Variants in SYCP2 observed in about 807,000 individuals in gnomAD.
The protein encoded by SYCP2 is synaptonemal complex lateral element protein.
SYCP2 carries 55 observed loss-of-function variants against 211.3 expected under a neutral mutation model. The observed-to-expected ratio is 0.26, with a 90% CI of 0.21 to 0.33. The LOEUF (loss-of-function observed/expected upper bound fraction) is 0.33, where lower values mean the gene tolerates loss of function less well. Ranked by LOEUF, SYCP2 falls within the 10% of genes least tolerant of loss-of-function variation. SYCP2 has a pLI of 1.00. For synonymous variants in SYCP2, 570 were observed against 555.2 expected, an observed-to-expected ratio of 1.03 and a Z score of -0.37; for missense variants, 1,731 against 1,752.0, an observed-to-expected ratio of 0.99 and a Z score of 0.21.
chr20:59,913,591 G>A (rs1403385728), intron 12 of SYCP2, among the ~76,000 whole-genome samples: 1 of 152,062 alleles, frequency 6.6e-6, no homozygotes, highest in Non-Finnish European at 1.5e-5. Flanking sequence ...CCAGTATGTG[G>A]ATGAAGGAGA....
At chr20:59,918,473 T>A (rs149521143) in intron 7 of SYCP2, among the ~76,000 whole-genome samples, 4 of 152,296 alleles carry the variant, frequency 2.6e-5, no homozygotes, top group African/African-American at 9.6e-5. Context: ...TTGGGCTTTG[T>A]TGTAAGTACA....
At chr20:59,868,336 T>G (rs971315047) in intron 38 of SYCP2, 77 bp downstream of exon 38, 3 of 1,475,326 alleles carry the variant, frequency 2.0e-6, no homozygotes. Flanking sequence ...AAATTTGTTT[T>G]GTAAATAGAC....
At chr20:59,879,872 C>CAA (rs2145665392) in intron 31 of SYCP2, among the ~76,000 whole-genome samples, 1 of 144,132 alleles carries the variant, frequency 6.9e-6, no homozygotes, top group South Asian at 2.2e-4. Flanking sequence ...TACACACACA[C>CAA]ACACACAAAC....
At chr20:59,880,494 C>T (rs112829291) in intron 30 of SYCP2, 23 bp from the exon 31 acceptor site, 1 of 1,421,860 alleles carries the variant, frequency 7.0e-7, no homozygotes, top group East Asian at 2.4e-5. Flanking sequence ...GTTTGAAATG[C>T]ATGAAGAAAT....
intron 12 of SYCP2, 51 bp downstream of exon 12, chr20:59,913,924 T>G: frequency 7.1e-7 from 1 of 1,416,534 alleles, no homozygotes; most frequent in South Asian, 1.4e-5. Flanking sequence ...GTGCTCACTC[T>G]TGAGCTCTAT....
At chr20:59,927,822 T>G (rs1222517565) in intron 2 of SYCP2, among the ~76,000 whole-genome samples, 3 of 152,118 alleles carry the variant, frequency 2.0e-5, no homozygotes, top group African/African-American at 4.8e-5. Flanking sequence ...GGCTCACCCT[T>G]TTGTTTACAT....
At chr20:59,921,913 T>C (rs945482153) in intron 3 of SYCP2, among the ~76,000 whole-genome samples, 2 of 151,606 alleles carry the variant, frequency 1.3e-5, no homozygotes, top group African/African-American at 4.8e-5. Flanking sequence ...GCATTACCAT[T>C]ATATAATATT....
intron 4 of SYCP2, 145 bp downstream of exon 4, chr20:59,921,165 G>A (rs2145877812): frequency 3.5e-6 from 2 of 563,888 alleles, no homozygotes; most frequent in South Asian, 3.6e-5. Context: ...ACAATAATAA[G>A]CAAATGGTGA....
rs145124165 is a variant in SYCP2, at chr20:59,886,765, A to G, written c.2434T>C (p.Tyr812His). 6.3e-7 allele frequency: 1 copy of G among 1,591,014 alleles called. No homozygotes were observed. Among genetic ancestry groups the G allele is most frequent in the Non-Finnish European group, 8.5e-7 (1 of 1,171,296 alleles). Residue 812 changes from tyrosine to histidine, a missense_variant, in exon 25 of 45, where the codon TAC becomes CAC. By Grantham distance (83) the Tyr-to-His change is moderately conservative (BLOSUM62 2). Transcript: ENST00000357552. ...GACTTGATGTCATCTTTTGTTTTGT[A>G]TCTTTTATTGATTTGGCTTATCAAG... ...ESLISQINKR[Y>H]KTKDDIKSTR... is the part of the protein sequence containing the mutation.
chr20:59,878,091 T>G (rs2274468), intron 31 of SYCP2, 46 bp from the exon 32 acceptor site: 6 of 1,263,052 alleles, frequency 4.8e-6, no homozygotes, highest in Non-Finnish European at 6.8e-6. Flanking sequence ...TAAATAAGAA[T>G]AGGCATTAAA....
At chr20:59,909,515 T>C (rs1465756757) in intron 14 of SYCP2, among the ~76,000 whole-genome samples, 1 of 152,220 alleles carries the variant, frequency 6.6e-6, no homozygotes, top group East Asian at 1.9e-4. Flanking sequence ...TCTATTTTTA[T>C]CCATTTCCCC....
At chr20:59,916,602 G>GT in intron 7 of SYCP2, 31 bp from the exon 8 acceptor site, 1 of 1,392,188 alleles carries the variant, frequency 7.2e-7, no homozygotes, top group Non-Finnish European at 1.0e-6. Context: ...ATTGATAAAT[G>GT]TTCATTTCAA....
At chr20:59,912,448 T>G (rs190268386) in intron 12 of SYCP2, 30 bp from the exon 13 acceptor site, 2 of 852,978 alleles carry the variant, frequency 2.3e-6, no homozygotes, top group African/African-American at 3.5e-5. Context: ...AAGAAAAAAA[T>G]AAATAAGCTT....
At chr20:59,879,975 A>C (rs779944441) in intron 31 of SYCP2, among the ~76,000 whole-genome samples, 1 of 150,392 alleles carries the variant, frequency 6.6e-6, no homozygotes, top group Admixed American at 6.7e-5. Context: ...TTGGTCTTAA[A>C]GGTGTTGGGT....
At chr20:59,929,057 C>T (rs1011856691) in intron 2 of SYCP2, among the ~76,000 whole-genome samples, 3 of 151,468 alleles carry the variant, frequency 2.0e-5, no homozygotes, top group Admixed American at 6.6e-5. Flanking sequence ...AAGAACTTAA[C>T]AAATCAAGGA....
chr20:59,877,904 A>C, intron 32 of SYCP2, 104 bp downstream of exon 32: 1 of 918,770 alleles, frequency 1.1e-6, no homozygotes, highest in South Asian at 1.6e-5. Context: ...TACATAAAAC[A>C]CATAACTGAT....
rs1410909631 is a variant in SYCP2 at position 59,921,438 on chromosome 20, T to C, written c.40A>G (p.Ile14Val). The C allele has an allele frequency of 6.2e-7, 1 of 1,601,920 alleles. No individual in the cohort carries two copies. The highest frequency in any genetic ancestry group is 1.1e-5 in the South Asian group (1 of 89,736). Residue 14 changes from isoleucine (I) to valine (V), a missense_variant, in exon 4 of 45, where the codon ATT becomes GTT. By Grantham distance (29) the Ile-to-Val change is conservative. Around this residue, in one of 3 missense-constraint regions of SYCP2, gnomAD observed 335 missense variants for 378.8 expected, o/e 0.88. Transcript: ENST00000357552. Reference sequence around the variant, plus strand: ...TCATTTTTTCTTAAAGCATCATCAATGCATTTTTCCAACTGCTAGAGAAAT... The same window carrying C: ...TCATTTTTTCTTAAAGCATCATCAACGCATTTTTCCAACTGCTAGAGAAAT... ...RPDLQQLEKC[I>V]DDALRKNDFK... is the part of the protein sequence containing the mutation.
At position 59,907,371 on chromosome 20, in the gene SYCP2, G is replaced by A. The variant is rs759879510; in HGVS notation, c.1026C>T (p.Ser342=). 6.2e-7 allele frequency: 1 copy of A among 1,600,026 alleles called. No individual in the cohort carries two copies. Among genetic ancestry groups the A allele is most frequent in the South Asian group, 1.1e-5 (1 of 90,024 alleles). ...TVPEEKVQIY[S]IEVRESKKLL... ...AAAAAACAAGTTTAATACCTTCAAT[G>A]CTGTATATTTGTACTTTTTCCTCTG... The change falls in exon 15 of 45, where the codon AGC becomes AGT. Residue 342 remains serine, a synonymous_variant. Transcript: ENST00000357552.
At chr20:59,923,820 A>G (rs2060584785) in intron 2 of SYCP2, among the ~76,000 whole-genome samples, 1 of 151,260 alleles carries the variant, frequency 6.6e-6, no homozygotes, top group Admixed American at 6.6e-5. Context: ...TTTCATTTTA[A>G]TCAATCCAGA....
Sources: allele counts gnomAD v4.1 joint callset (sites outside exome capture counted in the v4.1 genomes callset), GRCh38; gene constraint gnomAD v4.1.1; regional missense constraint gnomAD v4.1.1; transcripts MANE v1.5; gene names NCBI Gene and HGNC (gene_info 2026-07-23, HGNC 2026-07-21).